Variants in MDFIC2 observed in about 807,000 individuals in gnomAD.
MDFIC2 encodes MyoD family inhibitor domain containing 2, also known as myoD family inhibitor domain-containing protein 2.
At chr3:70,250,439 ACACACACACAC>A (rs1701751933) in intron 2 of MDFIC2, among the ~76,000 whole-genome samples, 1 of 151,582 alleles carries the variant, frequency 6.6e-6, no homozygotes, top group African/African-American at 2.4e-5. Context: ...ACACACACAC[ACACACACACAC>A]AAACACAAAC....
intron 2 of MDFIC2, among the ~76,000 whole-genome samples, chr3:70,248,906 G>C (rs1436967775): frequency 1.3e-5 from 2 of 152,122 alleles, no homozygotes; most frequent in East Asian, 3.9e-4. Context: ...CTACTTACCA[G>C]GAAATGGGCT....
chr3:70,269,877 A>C (rs1701957441), intron 2 of MDFIC2, among the ~76,000 whole-genome samples: 1 of 152,218 alleles, frequency 6.6e-6, no homozygotes, highest in Non-Finnish European at 1.5e-5. Flanking sequence ...GAAGAAGTCA[A>C]ATATAAACTT....
chr3:70,267,396 T>C (rs1486365526), intron 2 of MDFIC2, among the ~76,000 whole-genome samples: 2 of 758 alleles, frequency 2.6e-3, no homozygotes. Context: ...TTTAATAGCT[T>C]TTTTTTTTTT....
chr3:70,242,704 G>A (rs1408634548), intron 2 of MDFIC2, among the ~76,000 whole-genome samples: 2 of 152,154 alleles, frequency 1.3e-5, no homozygotes, highest in Non-Finnish European at 2.9e-5. Flanking sequence ...CAACTTGTCT[G>A]GTGGAATTAC....
intron 3 of MDFIC2, among the ~76,000 whole-genome samples, chr3:70,202,026 G>A (rs1399190909): frequency 1.3e-5 from 2 of 152,108 alleles, no homozygotes; most frequent in Non-Finnish European, 2.9e-5. Flanking sequence ...CTGTGGCTCT[G>A]GCTAACCACA....
At chr3:70,309,241 G>A (rs1702434746) in intron 2 of MDFIC2, among the ~76,000 whole-genome samples, 1 of 152,122 alleles carries the variant, frequency 6.6e-6, no homozygotes, top group Non-Finnish European at 1.5e-5. Context: ...TGAGCAAGAT[G>A]TAAAGTCTTT....
intron 2 of MDFIC2, among the ~76,000 whole-genome samples, chr3:70,293,199 T>C (rs115338684): frequency 7.2e-4 from 109 of 152,198 alleles, no homozygotes; most frequent in Non-Finnish European, 1.3e-3. Context: ...TTCTGTCATG[T>C]AAGTCTGGTG....
At chr3:70,292,762 A>C (rs950669891) in intron 2 of MDFIC2, among the ~76,000 whole-genome samples, 10 of 152,060 alleles carry the variant, frequency 6.6e-5, no homozygotes, top group Non-Finnish European at 8.8e-5. Context: ...CTGTTTGCAG[A>C]TAAAGAAAAG....
At chr3:70,267,968 C>T (rs969320924) in intron 2 of MDFIC2, among the ~76,000 whole-genome samples, 1 of 150,990 alleles carries the variant, frequency 6.6e-6, no homozygotes, top group African/African-American at 2.4e-5. Context: ...CCTTTCCTTT[C>T]GCCTCCCCTT....
chr3:70,258,841 A>G (rs1305844904), intron 2 of MDFIC2, among the ~76,000 whole-genome samples: 2 of 152,192 alleles, frequency 1.3e-5, no homozygotes, highest in African/African-American at 4.8e-5. Context: ...CGCTGAGAGC[A>G]GGTGATGACC....
In MDFIC2 at chr3:70,214,607, CTT is replaced by C. The variant is rs11391954; in HGVS notation, c.89-7819_89-7818del. On this transcript the variant is annotated intron_variant, in intron 2 of 3. Transcript: ENST00000567252. ...TTCAATTTTTGGGGGCTGAAGTGGG[CTT>C]TTTTTTTTTTTTATCTAACTATTCT... is the stretch of plus-strand genomic sequence containing the variant. Among the ~76,000 whole-genome samples the C allele has an allele frequency of 7.2e-4, 101 of 140,292 alleles. 1 individual carries two copies. The highest frequency in any genetic ancestry group is 2.6e-3 in the African/African-American group (99 of 38,324). 92.0% of individuals were successfully genotyped at this position (140,292 alleles called of 152,430 possible).
chr3:70,294,768 T>C (rs1702274142), intron 2 of MDFIC2, among the ~76,000 whole-genome samples: 1 of 152,112 alleles, frequency 6.6e-6, no homozygotes. Context: ...TCCATGTCAT[T>C]TTAGGTTAGA....
intron 2 of MDFIC2, among the ~76,000 whole-genome samples, chr3:70,268,193 G>A (rs763731634): frequency 6.6e-6 from 1 of 152,082 alleles, no homozygotes; most frequent in Non-Finnish European, 1.5e-5. Context: ...TTCTCCGGCT[G>A]GGCGCGGTAG....
At chr3:70,224,745 C>A (rs1169292502) in intron 2 of MDFIC2, among the ~76,000 whole-genome samples, 1 of 151,862 alleles carries the variant, frequency 6.6e-6, no homozygotes, top group African/African-American at 2.4e-5. Flanking sequence ...TTAACCATTG[C>A]GCTCGGCAAA....
chr3:70,211,296 C>T, intron 2 of MDFIC2, among the ~76,000 whole-genome samples: 1 of 145,164 alleles, frequency 6.9e-6, no homozygotes, highest in Non-Finnish European at 1.5e-5. Flanking sequence ...CTTCCCTTCC[C>T]TTCCCTTTGC....
intron 2 of MDFIC2, among the ~76,000 whole-genome samples, chr3:70,287,735 A>T (rs373167063): frequency 2.6e-5 from 4 of 151,490 alleles, no homozygotes; most frequent in African/African-American, 9.7e-5. Context: ...ACAATTTCAG[A>T]TCCTGTTATT....
chr3:70,293,545 A>G (rs1702260245), intron 2 of MDFIC2, among the ~76,000 whole-genome samples: 1 of 152,076 alleles, frequency 6.6e-6, no homozygotes, highest in Admixed American at 6.6e-5. Context: ...CTTAAGTTTT[A>G]GTTAGAGGTT....
chr3:70,303,920 T>C lies in MDFIC2; in HGVS notation c.88+7966A>G, dbSNP rs557038889. Among the ~76,000 whole-genome samples the C allele has an allele frequency of 1.0e-3, 155 of 152,276 alleles. 1 individual carries two copies. Among genetic ancestry groups the C allele is most frequent in the Non-Finnish European group, 1.8e-3 (124 of 68,014 alleles). ...TTGGTCTAAAACTCCTGACCTCAAG[T>C]GATCCATCCTCCTCAGCTTCTCAAG... On this transcript the variant is annotated intron_variant, in intron 2 of 3. Transcript: ENST00000567252.
intron 2 of MDFIC2, among the ~76,000 whole-genome samples, chr3:70,266,495 A>C (rs1031388584): frequency 6.6e-6 from 1 of 152,054 alleles, no homozygotes. Context: ...ATCATGGCTC[A>C]CTGCAGCCTG....
Sources: gnomAD v4.1 joint callset for allele counts (sites outside exome capture counted in the v4.1 genomes callset) on GRCh38, gnomAD v4.1.1 for gene constraint, MANE v1.5 for transcripts, NCBI Gene and HGNC (gene_info 2026-07-23, HGNC 2026-07-21) for gene names.